Variants in FBXW7 observed in about 807,000 individuals in gnomAD.
FBXW7 encodes the protein F-box/WD repeat-containing protein 7.
In FBXW7, 11 loss-of-function variants were observed where a neutral mutation model predicts 86.3. That is an observed-to-expected ratio of 0.13 (90% CI 0.08 to 0.21). The LOEUF is 0.21. Ranked by LOEUF, FBXW7 falls within the 10% of genes least tolerant of loss-of-function variation. The pLI, the probability that FBXW7 is intolerant of heterozygous loss-of-function variation, is 1.00. For synonymous variants in FBXW7, 313 were observed against 297.9 expected (o/e 1.05, Z -0.52); for missense variants, 488 against 847.4 (o/e 0.58, Z 5.27).
intron 4 of FBXW7, among the ~76,000 whole-genome samples, chr4:152,401,571 A>G (rs1411029052): frequency 1.1e-4 from 16 of 152,236 alleles, no homozygotes; most frequent in Admixed American, 1.0e-3. Context: ...AGGACTTTTA[A>G]GGTAGTGAAA....
At chr4:152,456,930 C>CA (rs754681388) in intron 2 of FBXW7, among the ~76,000 whole-genome samples, 30 of 152,290 alleles carry the variant, frequency 2.0e-4, no homozygotes, top group Non-Finnish European at 4.4e-4. Flanking sequence ...CCACTTTATT[C>CA]ATAATAGTCA....
chr4:152,446,643 C>T (rs1377809963), intron 2 of FBXW7, among the ~76,000 whole-genome samples: 2 of 152,172 alleles, frequency 1.3e-5, no homozygotes, highest in Non-Finnish European at 2.9e-5. Context: ...CTTCACGCTG[C>T]CCATTTATTT....
At chr4:152,407,778 C>A (rs1354883240) in intron 4 of FBXW7, among the ~76,000 whole-genome samples, 1 of 152,174 alleles carries the variant, frequency 6.6e-6, no homozygotes, top group African/African-American at 2.4e-5. Context: ...TGGCCCAGAT[C>A]ACTGCAGCCT....
chr4:152,499,963 C>G (rs967185421), intron 2 of FBXW7, among the ~76,000 whole-genome samples: 1 of 152,134 alleles, frequency 6.6e-6, no homozygotes, highest in African/African-American at 2.4e-5. Context: ...GTCAAGCTAC[C>G]TTATGAAAAT....
chr4:152,341,558 CT>C (rs1730741153), intron 6 of FBXW7, among the ~76,000 whole-genome samples: 1 of 152,186 alleles, frequency 6.6e-6, no homozygotes, highest in Non-Finnish European at 1.5e-5. Context: ...AGAAAAGGTG[CT>C]TAATAAATGT....
chr4:152,436,646 G>A (rs888316384), intron 2 of FBXW7, among the ~76,000 whole-genome samples: 3 of 152,186 alleles, frequency 2.0e-5, no homozygotes, highest in Non-Finnish European at 4.4e-5. Context: ...CCAAACTAAA[G>A]GACAGGCTGA....
At chr4:152,432,094 T>C (rs1299393246) in intron 2 of FBXW7, among the ~76,000 whole-genome samples, 1 of 152,346 alleles carries the variant, frequency 6.6e-6, no homozygotes, top group Non-Finnish European at 1.5e-5. Context: ...CCTTCTAGTA[T>C]AGCTACTTAT....
At chr4:152,517,987 ATTTTTTTC>A (rs891343875) in intron 2 of FBXW7, among the ~76,000 whole-genome samples, 3 of 151,558 alleles carry the variant, frequency 2.0e-5, no homozygotes, top group South Asian at 2.1e-4. Context: ...CTCAATACTT[ATTTTTTTC>A]TTTTTTTCTT....
chr4:152,352,794 T>C lies in FBXW7; in HGVS notation c.502-2670A>G, dbSNP rs1398600553. 7 of 1,588,298 alleles carry C rather than the reference T, an allele frequency of 4.4e-6. No individual in the cohort carries two copies. The East Asian group carries it at 1.6e-4, about 36-fold the overall frequency. Reference sequence around the variant, plus strand: ...AATGAGAGAGAACGGAGAAGATTATTGGAGGAGACTATGCCCTGTCAAAGC... The same window carrying C: ...AATGAGAGAGAACGGAGAAGATTATCGGAGGAGACTATGCCCTGTCAAAGC... On this transcript the variant is annotated intron_variant, in intron 4 of 13. Coordinates refer to ENST00000281708, the MANE Select transcript of FBXW7 (RefSeq NM_001349798.2).
chr4:152,515,584 T>C (rs1238066177), intron 2 of FBXW7, among the ~76,000 whole-genome samples: 1 of 152,208 alleles, frequency 6.6e-6, no homozygotes, highest in African/African-American at 2.4e-5. Context: ...CATTTAGTAG[T>C]ACAATAAGAA....
intron 2 of FBXW7, among the ~76,000 whole-genome samples, chr4:152,418,349 A>C (rs2126905582): frequency 6.6e-6 from 1 of 152,322 alleles, no homozygotes; most frequent in East Asian, 1.9e-4. Flanking sequence ...TCTTTATTTC[A>C]AAGGACAACA....
chr4:152,340,234 A>G (rs984878044), intron 6 of FBXW7, among the ~76,000 whole-genome samples: 2 of 152,144 alleles, frequency 1.3e-5, no homozygotes, highest in Non-Finnish European at 2.9e-5. Context: ...CTCAATTTAA[A>G]TTATCTATAT....
intron 2 of FBXW7, chr4:152,489,431 CTTCCAAGCCTACCAAGACA>C (rs1745637229): frequency 6.6e-6 from 1 of 152,550 alleles, no homozygotes; most frequent in Middle Eastern, 3.1e-3. Flanking sequence ...AAATGGTAGG[CTTCCAAGCCTACCAAGACA>C]TTCATACTCA....
chr4:152,494,479 T>A (rs977298903), intron 2 of FBXW7, among the ~76,000 whole-genome samples: 6 of 152,230 alleles, frequency 3.9e-5, no homozygotes, highest in Admixed American at 2.6e-4. Context: ...TAATTTTTTT[T>A]AAATGTCCTT....
At chr4:152,513,756 A>G (rs958637991) in intron 2 of FBXW7, among the ~76,000 whole-genome samples, 1 of 152,248 alleles carries the variant, frequency 6.6e-6, no homozygotes, top group South Asian at 2.1e-4. Flanking sequence ...AAAACTTTAC[A>G]TCTCAACCAT....
chr4:152,475,539 G>A (rs1292411439), intron 2 of FBXW7, among the ~76,000 whole-genome samples: 1 of 152,072 alleles, frequency 6.6e-6, no homozygotes, highest in South Asian at 2.1e-4. Flanking sequence ...GTGCAATTAA[G>A]AAAGGAAATG....
chr4:152,439,155 G>A (rs561674448), intron 2 of FBXW7, among the ~76,000 whole-genome samples: 28 of 152,232 alleles, frequency 1.8e-4, no homozygotes, highest in Non-Finnish European at 3.8e-4. Context: ...AAACTGCTAG[G>A]CATTCCACAA....
intron 2 of FBXW7, among the ~76,000 whole-genome samples, chr4:152,484,323 A>C (rs1416176219): frequency 6.6e-6 from 1 of 152,210 alleles, no homozygotes; most frequent in African/African-American, 2.4e-5. Flanking sequence ...CTTATTAAAG[A>C]AAAAGTAACC....
intron 4 of FBXW7, among the ~76,000 whole-genome samples, chr4:152,399,584 C>T (rs1442148867): frequency 3.3e-5 from 5 of 150,334 alleles, no homozygotes; most frequent in Non-Finnish European, 5.9e-5. Flanking sequence ...AAAAATTGAC[C>T]AAAAAAAAGC....
Sources: allele counts gnomAD v4.1 joint callset (sites outside exome capture counted in the v4.1 genomes callset), GRCh38; gene constraint gnomAD v4.1.1; transcripts MANE v1.5; gene names NCBI Gene and HGNC (gene_info 2026-07-23, HGNC 2026-07-21).